The following PDGFD variants were observed in gnomAD, a reference collection of about 807,000 sequenced individuals.
PDGFD encodes the protein platelet-derived growth factor D.
PDGFD carries 30 observed loss-of-function variants against 44.7 expected under a neutral mutation model. That is an observed-to-expected ratio of 0.67 (90% CI 0.50 to 0.91). The LOEUF is 0.91. Among genes scored for constraint, PDGFD ranks in the 40% least tolerant of loss-of-function variants. The pLI, the probability that PDGFD is intolerant of heterozygous loss-of-function variation, is 0.00. For missense variants in PDGFD, 445 were observed against 457.8 expected (o/e 0.97, Z 0.25); for synonymous variants, 173 against 168.4 (o/e 1.03, Z -0.21).
intron 1 of PDGFD, among the ~76,000 whole-genome samples, chr11:104,140,151 T>C (rs1296147334): frequency 6.6e-6 from 1 of 152,164 alleles, no homozygotes; most frequent in African/African-American, 2.4e-5. Flanking sequence ...AGAGAACTAT[T>C]CAGGCAAGTG....
At chr11:104,102,960 G>A (rs934854005) in intron 1 of PDGFD, among the ~76,000 whole-genome samples, 1 of 152,118 alleles carries the variant, frequency 6.6e-6, no homozygotes, top group African/African-American at 2.4e-5. Flanking sequence ...GATAGCATTA[G>A]GAGATATACC....
intron 1 of PDGFD, among the ~76,000 whole-genome samples, chr11:104,055,882 A>G (rs34739592): frequency 0.24 from 35,846 of 152,162 alleles, 5,164 homozygotes; most frequent in East Asian, 0.34. Flanking sequence ...GAGAAAAACA[A>G]AAAACAAGAA....
chr11:103,949,739 C>T (rs1309474115), intron 3 of PDGFD, among the ~76,000 whole-genome samples: 2 of 152,138 alleles, frequency 1.3e-5, no homozygotes, highest in African/African-American at 4.8e-5. Flanking sequence ...GCAGTAAACG[C>T]ATGTGGGTGC....
intron 1 of PDGFD, among the ~76,000 whole-genome samples, chr11:104,065,327 C>A (rs1400114685): frequency 6.6e-6 from 1 of 152,080 alleles, no homozygotes; most frequent in East Asian, 1.9e-4. Flanking sequence ...TATTTCTATT[C>A]TATTCTAGAC....
At chr11:103,996,298 T>C in intron 2 of PDGFD, 53 bp from the exon 3 acceptor site, 1 of 1,435,090 alleles carries the variant, frequency 7.0e-7, no homozygotes, top group Non-Finnish European at 9.6e-7. Context: ...GATTTTGAAA[T>C]TCATACTTTC....
intron 3 of PDGFD, among the ~76,000 whole-genome samples, chr11:103,983,228 A>AC (rs753483524): frequency 1.3e-5 from 2 of 151,756 alleles, no homozygotes; most frequent in Non-Finnish European, 2.9e-5. Context: ...AGATACCTAG[A>AC]CCAATGGAAT....
intron 3 of PDGFD, among the ~76,000 whole-genome samples, chr11:103,960,720 T>C (rs549230015): frequency 2.6e-5 from 4 of 152,280 alleles, no homozygotes; most frequent in South Asian, 2.1e-4. Context: ...CAAATTCCCA[T>C]AGGATATGTA....
chr11:103,990,891 G>A (rs1291386518), intron 3 of PDGFD, among the ~76,000 whole-genome samples: 18 of 152,176 alleles, frequency 1.2e-4, no homozygotes, highest in African/African-American at 3.6e-4. Context: ...TGTAATCCTA[G>A]CACTTTGGGA....
At position 104,036,585 on chromosome 11, in the gene PDGFD, T is replaced by C. The variant is rs532988233; in HGVS notation, c.125-36330A>G. 2.7e-5 allele frequency: 15 copies of C among 564,206 alleles called. No homozygotes were observed. In the South Asian group the frequency reaches 2.8e-4, roughly 10 times the overall value. The allele number at this position is 564,206 out of a possible 1,614,324, so 34.9% of individuals were successfully genotyped here. ...AGGTTCCAAACAGCACACTTAGAAA[T>C]GGACTTTGGAACACAACGTGCTACC... On this transcript the variant is annotated intron_variant, in intron 1 of 6. Coordinates refer to ENST00000393158, the MANE Select transcript of PDGFD (RefSeq NM_025208.5).
chr11:103,919,502 CTTTTTTTTTTTTT>C (rs71037206), intron 6 of PDGFD, among the ~76,000 whole-genome samples: 1 of 88,764 alleles, frequency 1.1e-5, no homozygotes, highest in Non-Finnish European at 2.1e-5. Context: ...AAGATTCTTC[CTTTTTTTTTTTTT>C]TTTTTTTTTT....
intron 6 of PDGFD, among the ~76,000 whole-genome samples, chr11:103,919,429 T>A (rs1039079707): frequency 2.1e-4 from 32 of 152,000 alleles, no homozygotes; most frequent in African/African-American, 7.7e-4. Flanking sequence ...AATGGCTGAC[T>A]TAGGAACACA....
At chr11:104,054,608 G>T (rs554500528) in intron 1 of PDGFD, among the ~76,000 whole-genome samples, 64 of 152,300 alleles carry the variant, frequency 4.2e-4, no homozygotes, top group African/African-American at 1.5e-3. Context: ...TTGAGTAGAA[G>T]GGGAGAAAAC....
chr11:103,947,359 G>T (rs1004229222), intron 4 of PDGFD, among the ~76,000 whole-genome samples: 3 of 152,154 alleles, frequency 2.0e-5, no homozygotes, highest in Admixed American at 1.3e-4. Flanking sequence ...TGATATGTTT[G>T]ATATGTTTGG....
chr11:104,056,518 C>A (rs923185822), intron 1 of PDGFD, among the ~76,000 whole-genome samples: 1 of 151,880 alleles, frequency 6.6e-6, no homozygotes, highest in Admixed American at 6.6e-5. Flanking sequence ...AGAGACACAA[C>A]GGAGAAGGCC....
chr11:103,987,745 T>G (rs1345745921), intron 3 of PDGFD, among the ~76,000 whole-genome samples: 1 of 152,206 alleles, frequency 6.6e-6, no homozygotes, highest in Non-Finnish European at 1.5e-5. Context: ...ACCATTAACC[T>G]GCAACACTCT....
At chr11:104,021,542 G>A (rs901994665) in intron 1 of PDGFD, among the ~76,000 whole-genome samples, 5 of 152,186 alleles carry the variant, frequency 3.3e-5, no homozygotes, top group Middle Eastern at 3.4e-3. Context: ...TACTAGACCC[G>A]CTTATGCTTC....
At chr11:104,150,925 C>A (rs968149537) in intron 1 of PDGFD, among the ~76,000 whole-genome samples, 1 of 152,142 alleles carries the variant, frequency 6.6e-6, no homozygotes, top group African/African-American at 2.4e-5. Context: ...GGACATGATA[C>A]CATTGGGGTC....
At chr11:104,094,013 T>C (rs911310378) in intron 1 of PDGFD, among the ~76,000 whole-genome samples, 13 of 151,706 alleles carry the variant, frequency 8.6e-5, no homozygotes, top group African/African-American at 3.1e-4. Context: ...CCACATTCAT[T>C]CTTCACCTCA....
At chr11:104,085,045 A>G (rs1861109935) in intron 1 of PDGFD, among the ~76,000 whole-genome samples, 1 of 151,010 alleles carries the variant, frequency 6.6e-6, no homozygotes, top group African/African-American at 2.4e-5. Context: ...TCAAAACAAA[A>G]AAAATTAATT....
Sources: allele counts gnomAD v4.1 joint callset (sites outside exome capture counted in the v4.1 genomes callset), GRCh38; gene constraint gnomAD v4.1.1; transcripts MANE v1.5; gene names NCBI Gene and HGNC (gene_info 2026-07-23, HGNC 2026-07-21).